AFF1: variants seen among roughly 807,000 people sequenced by gnomAD.
AFF1 encodes the protein AF4/FMR2 family member 1.
Under a neutral mutation model 121.7 loss-of-function variants are expected in AFF1, and 48 were observed. That is an observed-to-expected ratio of 0.39 (90% CI 0.31 to 0.50). The LOEUF is 0.50. Among genes scored for constraint, AFF1 ranks in the 20% least tolerant of loss-of-function variants. The pLI is 0.76. For synonymous variants in AFF1, 613 were observed against 563.0 expected (o/e 1.09, Z -1.26); for missense variants, 1,523 against 1,511.7 (o/e 1.01, Z -0.12).
rs57335156 is a variant in AFF1 at position 86,949,537 on chromosome 4, A to ATTATT, written c.38+968_38+969insATTTT. 3.7e-3 allele frequency: 907 copies of ATTATT among 248,216 alleles called. 15 individuals are homozygous for ATTATT. Among genetic ancestry groups the ATTATT allele is most frequent in the African/African-American group, 0.013 (380 of 28,990 alleles). 15.4% of individuals were successfully genotyped at this position (248,216 alleles called of 1,614,324 possible). The stretch of plus-strand genomic sequence containing the variant: ...CTATTTATTAATTATTATTATTATT[A>ATTATT]TTTTTTTTTTTTTTTTTTTCCCGAC... On this transcript the variant is annotated intron_variant, in intron 2 of 20. Coordinates refer to ENST00000395146, the MANE Select transcript of AFF1 (RefSeq NM_001166693.3).
At chr4:86,975,527 A>C (rs184627201) in intron 2 of AFF1, among the ~76,000 whole-genome samples, 16 of 152,348 alleles carry the variant, frequency 1.1e-4, no homozygotes, top group African/African-American at 3.8e-4. Context: ...CTGGGATTAC[A>C]GGTGTGAGCC....
chr4:87,020,494 G>GTTTT (rs1367109384), intron 2 of AFF1, among the ~76,000 whole-genome samples: 10 of 151,954 alleles, frequency 6.6e-5, no homozygotes, highest in Admixed American at 5.9e-4. Context: ...GTTTTGTTTT[G>GTTTT]TTTTGTTTCA....
chr4:87,087,732 C>G (rs1723881200), intron 5 of AFF1, among the ~76,000 whole-genome samples: 2 of 152,202 alleles, frequency 1.3e-5, no homozygotes, highest in African/African-American at 4.8e-5. Context: ...TATGTACTTT[C>G]CAACTGCCTG....
intron 1 of AFF1, among the ~76,000 whole-genome samples, chr4:86,938,335 G>A (rs1024097299): frequency 6.6e-6 from 1 of 151,570 alleles, no homozygotes; most frequent in African/African-American, 2.4e-5. Context: ...CTGTAATTAC[G>A]CTTCCTCGGG....
At chr4:87,088,926 G>A (rs1353881667) in intron 5 of AFF1, among the ~76,000 whole-genome samples, 1 of 152,128 alleles carries the variant, frequency 6.6e-6, no homozygotes, top group African/African-American at 2.4e-5. Context: ...TGTATTTTTA[G>A]TAGATATGGG....
Position 87,047,429 on chromosome 4 carries a change from G to T in AFF1, c.894G>T (p.Thr298=). The T allele has an allele frequency of 6.2e-7, 1 of 1,614,112 alleles. No homozygotes were observed. The highest frequency in any genetic ancestry group is 8.5e-7 in the Non-Finnish European group (1 of 1,180,016). ...SKSVAMQQKP[T]AYVRPMDGQD... The stretch of plus-strand genomic sequence containing the variant: ...GTGTTGCAATGCAGCAGAAGCCCAC[G>T]GCTTATGTCCGGCCCATGGATGGTC... Residue 298 remains threonine (T), a synonymous_variant, in exon 4 of 21, where the codon ACG becomes ACT. Coordinates refer to ENST00000395146, the MANE Select transcript of AFF1 (RefSeq NM_001166693.3).
chr4:87,115,259 G>A lies in AFF1; in HGVS notation c.2426G>A (p.Arg809Lys). Residue 809 changes from arginine to lysine, a missense_variant, in exon 12 of 21, where the codon AGG becomes AAG. By Grantham distance (26) the Arg-to-Lys change is conservative. Transcript: ENST00000395146. Reference protein sequence around the residue: ...PAGKKHSSEKRSSDSSSKLAK... With the variant: ...PAGKKHSSEKKSSDSSSKLAK... Reference sequence around the variant, plus strand: ...GGGAAGAAGCACAGCTCTGAGAAGAGGAGCTCAGACAGCTCAAGCAAGTTG... The same window carrying A: ...GGGAAGAAGCACAGCTCTGAGAAGAAGAGCTCAGACAGCTCAAGCAAGTTG... 6.2e-7 allele frequency: 1 copy of A among 1,612,844 alleles called. No homozygotes were observed. The highest frequency in any genetic ancestry group is 8.5e-7 in the Non-Finnish European group (1 of 1,179,248).
chr4:87,056,700 G>A (rs531264084), intron 4 of AFF1, among the ~76,000 whole-genome samples: 2 of 152,288 alleles, frequency 1.3e-5, no homozygotes, highest in East Asian at 1.9e-4. Context: ...TATAAAGGGA[G>A]CTAATAGGAA....
chr4:86,995,657 C>G (rs577496826), intron 2 of AFF1, among the ~76,000 whole-genome samples: 2 of 150,778 alleles, frequency 1.3e-5, no homozygotes, highest in African/African-American at 4.8e-5. Context: ...GATCTCGGCT[C>G]GCTACAACCT....
rs374203823 is a variant in AFF1, at chr4:87,040,623, G to A, written c.39-5543G>A. Among the ~76,000 whole-genome samples the A allele has an allele frequency of 1.4e-4, 21 of 150,714 alleles. No homozygotes were observed. The East Asian group carries it at 2.3e-3, about 17-fold the overall frequency. On this transcript the variant is annotated intron_variant, in intron 2 of 20. Coordinates refer to ENST00000395146, the MANE Select transcript of AFF1 (RefSeq NM_001166693.3). ...CACTTGTTGCCCAGGCTGGAGTACA[G>A]TGGCGCAATCTCGGCTCACAGCAAC...
intron 7 of AFF1, among the ~76,000 whole-genome samples, chr4:87,094,625 C>A (rs1414253579): frequency 2.6e-5 from 4 of 152,170 alleles, no homozygotes; most frequent in Non-Finnish European, 5.9e-5. Flanking sequence ...ATGTGGGCCT[C>A]CACCCCTGTC....
chr4:86,943,319 C>CAGGGGTAGATCTCTCTACT (rs906282998), intron 1 of AFF1, among the ~76,000 whole-genome samples: 2 of 152,120 alleles, frequency 1.3e-5, no homozygotes, highest in African/African-American at 4.8e-5. Context: ...TGATCTCTCC[C>CAGGGGTAGATCTCTCTACT]AGGGGTAGAT....
intron 2 of AFF1, among the ~76,000 whole-genome samples, chr4:87,014,057 A>G (rs1348438295): frequency 6.6e-6 from 1 of 152,140 alleles, no homozygotes; most frequent in African/African-American, 2.4e-5. Flanking sequence ...GAGAAGGTGG[A>G]TATCTACGTC....
chr4:87,058,508 A>C (rs1276797934), intron 4 of AFF1, among the ~76,000 whole-genome samples: 6 of 151,920 alleles, frequency 3.9e-5, no homozygotes, highest in Non-Finnish European at 2.9e-5. Context: ...CTTTCTACCT[A>C]CAGTGCCACC....
rs545145456 is a variant in AFF1 at position 86,983,993 on chromosome 4, C to T, written c.38+35422C>T. Among the ~76,000 whole-genome samples, 6 of 151,712 alleles carry T rather than the reference C, an allele frequency of 4.0e-5. No individual in the cohort carries two copies. In the East Asian group the frequency reaches 1.2e-3, roughly 29 times the overall value. ...TGGAGCTTGCAGTGAGCTGAGATGGCGCCACTGCACTCCAGCCTGGGTGAC... is the reference window on the plus strand; with the variant it reads ...TGGAGCTTGCAGTGAGCTGAGATGGTGCCACTGCACTCCAGCCTGGGTGAC... On this transcript the variant is annotated intron_variant, in intron 2 of 20. Transcript: ENST00000395146.
chr4:87,060,053 A>G (rs567508700), intron 4 of AFF1, among the ~76,000 whole-genome samples: 1 of 152,196 alleles, frequency 6.6e-6, no homozygotes. Context: ...TGAATTTCCT[A>G]TTCAGGACAC....
At chr4:87,089,383 A>G (rs1181939750) in intron 5 of AFF1, among the ~76,000 whole-genome samples, 1 of 152,232 alleles carries the variant, frequency 6.6e-6, no homozygotes, top group African/African-American at 2.4e-5. Context: ...AGAAAATTGT[A>G]AAAATTAAGC....
intron 4 of AFF1, among the ~76,000 whole-genome samples, chr4:87,065,306 C>T (rs1365836394): frequency 2.6e-5 from 4 of 152,080 alleles, no homozygotes. Flanking sequence ...TCATGAGACT[C>T]ACTGTTACAA....
chr4:86,949,757 G>C, intron 2 of AFF1: 1 of 1,611,108 alleles, frequency 6.2e-7, no homozygotes. Context: ...GGCCCAGATG[G>C]TCATCTGGGT....
Sources: gnomAD v4.1 joint callset for allele counts (sites outside exome capture counted in the v4.1 genomes callset) on GRCh38, gnomAD v4.1.1 for gene constraint, MANE v1.5 for transcripts, NCBI Gene and HGNC (gene_info 2026-07-23, HGNC 2026-07-21) for gene names.